Variants in NDST4 observed in about 807,000 individuals in gnomAD.
NDST4 encodes N-deacetylase and N-sulfotransferase 4, also known as N-heparan sulfate sulfotransferase 4.
NDST4 carries 63 observed loss-of-function variants against 100.8 expected under a neutral mutation model. The ratio of observed to expected loss-of-function variants is 0.62; its 90% CI spans 0.51 to 0.77. The LOEUF (loss-of-function observed/expected upper bound fraction) is 0.77. NDST4 is among the 30% of genes least tolerant of loss of function. The pLI, the probability that NDST4 is intolerant of heterozygous loss-of-function variation, is 0.00. For missense variants in NDST4, 943 were observed against 1,018.4 expected (o/e 0.93, Z 1.01); for synonymous variants, 377 against 361.8 (o/e 1.04, Z -0.48).
intron 4 of NDST4, among the ~76,000 whole-genome samples, chr4:114,957,166 A>C (rs892837719): frequency 3.9e-5 from 6 of 152,358 alleles, no homozygotes; most frequent in Admixed American, 3.9e-4. Flanking sequence ...AAATTACTAC[A>C]GGTCTTGTAT....
intron 7 of NDST4, among the ~76,000 whole-genome samples, chr4:114,853,795 C>T (rs1309321926): frequency 6.6e-6 from 1 of 151,992 alleles, no homozygotes; most frequent in African/African-American, 2.4e-5. Context: ...TTAATCAGTT[C>T]CTTTTTCACT....
rs563100753 is a variant in NDST4 at position 114,893,919 on chromosome 4, G to A, written c.1537-22969C>T. On this transcript the variant is annotated intron_variant, in intron 6 of 13. Coordinates refer to ENST00000264363, the MANE Select transcript of NDST4 (RefSeq NM_022569.3). ...TCATCTTGAGTTAATTTTTGTGTAA[G>A]GTGTAAGGAAGGGGTCCAGTTTCAG... 3.9e-5 allele frequency among the ~76,000 whole-genome samples: 6 copies of A among 152,248 alleles called. No individual in the cohort carries two copies. The South Asian group carries it at 1.2e-3, about 32-fold the overall frequency.
chr4:114,911,913 G>A (rs1389566931), intron 6 of NDST4, among the ~76,000 whole-genome samples: 1 of 151,958 alleles, frequency 6.6e-6, no homozygotes, highest in African/African-American at 2.4e-5. Context: ...TTAATTACTG[G>A]CCAGAAGAAT....
At chr4:115,085,039 G>A (rs1729381332) in intron 1 of NDST4, among the ~76,000 whole-genome samples, 1 of 152,186 alleles carries the variant, frequency 6.6e-6, no homozygotes, top group African/African-American at 2.4e-5. Context: ...GCTGTACCCT[G>A]AAAAGCTACA....
chr4:114,931,411 A>T (rs1578396591), intron 6 of NDST4, among the ~76,000 whole-genome samples: 2 of 151,814 alleles, frequency 1.3e-5, no homozygotes. Context: ...AGAAAAAAAA[A>T]GATATCAGAT....
intron 2 of NDST4, among the ~76,000 whole-genome samples, chr4:115,058,913 A>G (rs1728757243): frequency 6.6e-6 from 1 of 152,028 alleles, no homozygotes; most frequent in African/African-American, 2.4e-5. Flanking sequence ...TTATTTAAAA[A>G]AATTAAATGG....
rs185369798 is a variant in NDST4 at position 114,831,825 on chromosome 4, C to T, written c.2396+1781G>A. On this transcript the variant is annotated intron_variant, in intron 12 of 13. Transcript: ENST00000264363. Reference sequence around the variant, plus strand: ...CTTAAGTCTAACAAAGGACATTTATCCTCTCTAAGTTATATCAATTCATTG... The same window carrying T: ...CTTAAGTCTAACAAAGGACATTTATTCTCTCTAAGTTATATCAATTCATTG... 2.6e-3 allele frequency among the ~76,000 whole-genome samples: 394 copies of T among 152,306 alleles called. 7 individuals are homozygous for T. The highest frequency in any genetic ancestry group is 0.024 in the Admixed American group (365 of 15,300).
intron 2 of NDST4, among the ~76,000 whole-genome samples, chr4:115,069,717 G>A (rs928561106): frequency 1.3e-5 from 2 of 151,996 alleles, no homozygotes; most frequent in East Asian, 1.9e-4. Flanking sequence ...CCAACATGGT[G>A]AAACCCCATC....
chr4:115,036,009 C>T (rs910424180), intron 2 of NDST4, among the ~76,000 whole-genome samples: 8 of 151,888 alleles, frequency 5.3e-5, no homozygotes, highest in Non-Finnish European at 1.0e-4. Context: ...GGACTCTAAG[C>T]TTTTGAGTAC....
At chr4:114,975,154 C>T (rs906997786) in intron 3 of NDST4, among the ~76,000 whole-genome samples, 3 of 152,136 alleles carry the variant, frequency 2.0e-5, no homozygotes, top group Non-Finnish European at 2.9e-5. Flanking sequence ...TAACTCAGCT[C>T]CAGAAGAAAC....
At chr4:114,868,943 A>ATT (rs1022303567) in intron 7 of NDST4, among the ~76,000 whole-genome samples, 1 of 24,126 alleles carries the variant, frequency 4.1e-5, no homozygotes, top group Non-Finnish European at 9.4e-5. Flanking sequence ...GCACTTGCAA[A>ATT]TTATATATAT....
At chr4:115,065,516 T>A (rs1728928056) in intron 2 of NDST4, among the ~76,000 whole-genome samples, 1 of 152,166 alleles carries the variant, frequency 6.6e-6, no homozygotes, top group Admixed American at 6.6e-5. Context: ...TGGATATAGT[T>A]AATATTGTTT....
chr4:114,845,793 G>A (rs750989469), intron 10 of NDST4, 30 bp downstream of exon 10: 1 of 1,578,428 alleles, frequency 6.3e-7, no homozygotes, highest in East Asian at 2.3e-5. Context: ...ATAACAAAAT[G>A]CTTTTAGCCG....
chr4:114,828,025 T>C (rs1410212314), intron 13 of NDST4, 90 bp from the exon 14 acceptor site: 1 of 1,130,618 alleles, frequency 8.8e-7, no homozygotes, highest in African/African-American at 1.6e-5. Context: ...ATATATCTAC[T>C]ACAGTATACG....
At chr4:114,832,988 C>T (rs1256663035) in intron 12 of NDST4, among the ~76,000 whole-genome samples, 6 of 152,098 alleles carry the variant, frequency 3.9e-5, no homozygotes, top group African/African-American at 1.4e-4. Flanking sequence ...TTCAAGTCTT[C>T]CAGGCTGTGG....
intron 11 of NDST4, among the ~76,000 whole-genome samples, chr4:114,837,568 CA>C (rs1171238143): frequency 2.0e-5 from 3 of 152,088 alleles, no homozygotes; most frequent in African/African-American, 7.2e-5. Flanking sequence ...CAAAAACAAG[CA>C]ATGAGGAAAG....
intron 6 of NDST4, among the ~76,000 whole-genome samples, chr4:114,889,730 G>T (rs911745660): frequency 1.3e-5 from 2 of 152,072 alleles, no homozygotes; most frequent in Admixed American, 1.3e-4. Context: ...AGCCTTGACT[G>T]GGGGGAGAAA....
chr4:115,022,791 A>T (rs1215177516), intron 2 of NDST4, among the ~76,000 whole-genome samples: 1 of 152,030 alleles, frequency 6.6e-6, no homozygotes, highest in Non-Finnish European at 1.5e-5. Flanking sequence ...GTGCCACAAG[A>T]TCTGATGGCT....
At chr4:114,977,332 G>A in intron 2 of NDST4, 58 bp from the exon 3 acceptor site, 1 of 1,191,172 alleles carries the variant, frequency 8.4e-7, no homozygotes, top group Non-Finnish European at 1.2e-6. Flanking sequence ...GTTTTGGGAT[G>A]CCTCTTTTGC....
Sources: allele counts gnomAD v4.1 joint callset (sites outside exome capture counted in the v4.1 genomes callset), GRCh38; gene constraint gnomAD v4.1.1; transcripts MANE v1.5; gene names NCBI Gene and HGNC (gene_info 2026-07-23, HGNC 2026-07-21).